IL18RAP: variants seen among roughly 807,000 people sequenced by gnomAD.
IL18RAP encodes interleukin 18 receptor accessory protein.
IL18RAP carries 37 observed loss-of-function variants against 58.1 expected under a neutral mutation model. The observed-to-expected ratio is 0.64, with a 90% CI of 0.49 to 0.84. IL18RAP has a LOEUF of 0.84. IL18RAP is among the 40% of genes least tolerant of loss of function. The probability of loss-of-function intolerance (pLI) is 0.00; values close to 1 mark genes in which losing one functional copy is unlikely to be tolerated. For missense variants in IL18RAP, 667 were observed against 704.8 expected, an observed-to-expected ratio of 0.95 and a Z score of 0.61; for synonymous variants, 268 against 257.5, an observed-to-expected ratio of 1.04 and a Z score of -0.39.
intron 3 of IL18RAP, among the ~76,000 whole-genome samples, chr2:102,428,648 A>T (rs1396763046): frequency 6.6e-6 from 1 of 151,952 alleles, no homozygotes; most frequent in African/African-American, 2.4e-5. Flanking sequence ...TCATGTCACC[A>T]ACAAATAAAG....
intron 3 of IL18RAP, 32 bp from the exon 4 acceptor site, chr2:102,437,180 A>G: frequency 1.3e-6 from 2 of 1,579,608 alleles, no homozygotes; most frequent in Non-Finnish European, 1.7e-6. Context: ...TTCTGTGGCA[A>G]ATTTATCTGC....
At chr2:102,437,610 A>G (rs754181354) in intron 4 of IL18RAP, among the ~76,000 whole-genome samples, 21 of 152,318 alleles carry the variant, frequency 1.4e-4, no homozygotes, top group Non-Finnish European at 2.5e-4. Flanking sequence ...TTTGTAATAA[A>G]TTTAAAAAAT....
At chr2:102,444,082 T>C (rs570874779) in intron 6 of IL18RAP, among the ~76,000 whole-genome samples, 1 of 152,354 alleles carries the variant, frequency 6.6e-6, no homozygotes, top group African/African-American at 2.4e-5. Context: ...TTTTCGAAGA[T>C]GTGACCCAGA....
At position 102,424,061 on chromosome 2, in the gene IL18RAP, C is replaced by T. The variant is rs776909502; in HGVS notation, c.321C>T (p.Asp107=). 7 of 1,613,964 alleles carry T rather than the reference C, an allele frequency of 4.3e-6. No individual in the cohort carries two copies. The highest frequency in any genetic ancestry group is 8.5e-7 in the Non-Finnish European group (1 of 1,180,000). The change falls in exon 2 of 10, where the codon GAC becomes GAT. Residue 107 remains aspartate, a synonymous_variant. Coordinates refer to ENST00000687160, the MANE Select transcript of IL18RAP (RefSeq NM_001393487.1). ...IRKSYPHIIQ[D]KCTLHFLTPG... is the part of the protein sequence containing the mutation. ...AAAGCTATCCTCACATCATTCAGGA[C>T]AAATGTACCCTTCACTTTTTGACCC...
chr2:102,448,456 T>G (rs1355895696), intron 8 of IL18RAP, among the ~76,000 whole-genome samples: 1 of 152,224 alleles, frequency 6.6e-6, no homozygotes, highest in Non-Finnish European at 1.5e-5. Context: ...TTGCTTCTGT[T>G]TTTTTCTAGT....
intron 3 of IL18RAP, among the ~76,000 whole-genome samples, chr2:102,430,090 G>T (rs1014161505): frequency 6.6e-6 from 1 of 151,986 alleles, no homozygotes; most frequent in Non-Finnish European, 1.5e-5. Context: ...TTGGTCAAAA[G>T]CGTAATTCAA....
chr2:102,422,602 C>T (rs1485936010), upstream of IL18RAP, among the ~76,000 whole-genome samples: 2 of 152,174 alleles, frequency 1.3e-5, no homozygotes, highest in African/African-American at 4.8e-5. Flanking sequence ...GACTCAAGTC[C>T]TTTGGACACA....
At chr2:102,445,145 A>T in intron 6 of IL18RAP, 44 bp from the exon 7 acceptor site, 1 of 1,579,000 alleles carries the variant, frequency 6.3e-7, no homozygotes, top group East Asian at 2.2e-5. Context: ...AATGGGTGTC[A>T]ATGTATGTTA....
intron 8 of IL18RAP, among the ~76,000 whole-genome samples, chr2:102,450,238 T>A (rs1456841452): frequency 6.6e-6 from 1 of 152,298 alleles, no homozygotes; most frequent in Non-Finnish European, 1.5e-5. Context: ...TATATACATA[T>A]AGTTTTCCAT....
intron 3 of IL18RAP, among the ~76,000 whole-genome samples, chr2:102,436,308 C>T (rs1682734066): frequency 1.3e-5 from 2 of 152,120 alleles, no homozygotes; most frequent in South Asian, 4.1e-4. Context: ...GTTATCACTG[C>T]GTCCTCTGAA....
At chr2:102,423,784 A>T in intron 1 of IL18RAP, 27 bp from the exon 2 acceptor site, 2 of 1,295,442 alleles carry the variant, frequency 1.5e-6, no homozygotes, top group East Asian at 4.9e-5. Context: ...ATGTGTTTCC[A>T]TGTGCTTTGT....
At chr2:102,432,659 G>A (rs879808395) in intron 3 of IL18RAP, among the ~76,000 whole-genome samples, 4 of 152,154 alleles carry the variant, frequency 2.6e-5, no homozygotes, top group East Asian at 1.9e-4. Context: ...GGGTTGCCAC[G>A]CACCTTCTGG....
intron 1 of IL18RAP, among the ~76,000 whole-genome samples, 195 bp from the exon 2 acceptor site, chr2:102,423,616 G>C (rs1323997218): frequency 6.6e-6 from 1 of 152,152 alleles, no homozygotes. Flanking sequence ...GGAAACCAGG[G>C]CTGCTGCTGG....
upstream of IL18RAP, among the ~76,000 whole-genome samples, chr2:102,422,711 G>T (rs1275292349): frequency 6.6e-6 from 1 of 152,162 alleles, no homozygotes; most frequent in African/African-American, 2.4e-5. Context: ...TGCATGTGGG[G>T]CAGGGAGAGG....
At chr2:102,435,757 T>C (rs961808881) in intron 3 of IL18RAP, among the ~76,000 whole-genome samples, 1 of 152,132 alleles carries the variant, frequency 6.6e-6, no homozygotes, top group Non-Finnish European at 1.5e-5. Context: ...TGCAGTATAA[T>C]ATTATAATAC....
In IL18RAP at chr2:102,443,103, A is replaced by G. The variant is rs575217199; in HGVS notation, c.797-97A>G. On this transcript the variant is annotated intron_variant, in intron 5 of 9. Coordinates refer to ENST00000687160, the MANE Select transcript of IL18RAP (RefSeq NM_001393487.1). ...ATATTCTACCTGCAAACCTGATTGC[A>G]TCAGGAGACAGCTTCTGGCGACGTC... 3.7e-5 allele frequency: 45 copies of G among 1,202,338 alleles called. 1 individual carries two copies. In the South Asian group the frequency reaches 4.1e-4, roughly 11 times the overall value. The allele number at this position is 1,202,338 out of a possible 1,614,324, so 74.5% of individuals were successfully genotyped here. A position where few individuals can be genotyped will look rare whatever the true frequency, so the allele number is the denominator to read the frequency against.
chr2:102,441,182 G>A, intron 4 of IL18RAP, 130 bp from the exon 5 acceptor site: 5 of 646,336 alleles, frequency 7.7e-6, no homozygotes, highest in Non-Finnish European at 1.1e-5. Flanking sequence ...CTAACTTACA[G>A]GTAATTAGTA....
intron 3 of IL18RAP, among the ~76,000 whole-genome samples, chr2:102,435,657 A>G (rs1458813947): frequency 6.6e-6 from 1 of 152,202 alleles, no homozygotes; most frequent in Non-Finnish European, 1.5e-5. Context: ...TGTGTTGTCC[A>G]AATCCAGGAA....
rs185460225 is a variant in IL18RAP, at chr2:102,428,895, G to A, written c.579+4481G>A. ...AGTCCCTCTATACTTAATTGGTTGA[G>A]GGTTTTTATCATGAAGGGTGTTAGA... is the stretch of plus-strand genomic sequence containing the variant. On this transcript the variant is annotated intron_variant, in intron 3 of 9. Coordinates refer to ENST00000687160, the MANE Select transcript of IL18RAP (RefSeq NM_001393487.1). 2.0e-3 allele frequency among the ~76,000 whole-genome samples: 311 copies of A among 151,904 alleles called. 2 individuals carry two copies. Among genetic ancestry groups the A allele is most frequent in the African/African-American group, 7.1e-3 (295 of 41,492 alleles).
Sources: gnomAD v4.1 joint callset for allele counts (sites outside exome capture counted in the v4.1 genomes callset) on GRCh38, gnomAD v4.1.1 for gene constraint, MANE v1.5 for transcripts, NCBI Gene and HGNC (gene_info 2026-07-23, HGNC 2026-07-21) for gene names.